The following VEGFD variants were observed in gnomAD, a reference collection of about 807,000 sequenced individuals.
VEGFD encodes vascular endothelial growth factor D, also known as c-fos induced growth factor (vascular endothelial growth factor D).
Under a neutral mutation model 28.0 loss-of-function variants are expected in VEGFD, and 26 were observed. The observed-to-expected ratio is 0.93, with a 90% CI of 0.68 to 1.29. The LOEUF (loss-of-function observed/expected upper bound fraction) is 1.29, where lower values mean the gene tolerates loss of function less well. Among genes scored for constraint, VEGFD ranks in the 50% most tolerant of loss-of-function variants. The probability of loss-of-function intolerance (pLI) is 0.00; values close to 1 mark genes in which losing one functional copy is unlikely to be tolerated. For missense variants in VEGFD, 294 were observed against 273.4 expected (o/e 1.08, Z -0.53); for synonymous variants, 93 against 95.5 (o/e 0.97, Z 0.15).
At chrX:15,351,466 C>T (rs1167411778) in intron 5 of VEGFD, among the ~76,000 whole-genome samples, 2 of 111,299 alleles carry the variant, frequency 1.8e-5, no homozygotes, top group Admixed American at 9.5e-5. Flanking sequence ...CCTCCCATCT[C>T]GGCCTCCCAA....
At chrX:15,381,212 T>C (rs1310199034) in intron 1 of VEGFD, among the ~76,000 whole-genome samples, 1 of 111,408 alleles carries the variant, frequency 9.0e-6, no homozygotes, top group Non-Finnish European at 1.9e-5. Context: ...CAAATGGCAT[T>C]AAGCACAATC....
At chrX:15,375,263 G>A (rs1362111465) in intron 1 of VEGFD, among the ~76,000 whole-genome samples, 1 of 112,257 alleles carries the variant, frequency 8.9e-6, no homozygotes. Context: ...GATAGAAGAT[G>A]AATTTTAAGG....
chrX:15,381,529 T>TA (rs35184475), intron 1 of VEGFD, among the ~76,000 whole-genome samples: 83 of 86,241 alleles, frequency 9.6e-4, no homozygotes, highest in Admixed American at 1.5e-3. Context: ...TTTCAAAAAG[T>TA]AAAAAAAAAA....
intron 3 of VEGFD, among the ~76,000 whole-genome samples, chrX:15,355,741 A>G (rs1210962825): frequency 3.6e-5 from 4 of 112,324 alleles, no homozygotes; most frequent in African/African-American, 1.3e-4. Context: ...AGCAGACATG[A>G]CAGAAGTACA....
intron 2 of VEGFD, among the ~76,000 whole-genome samples, chrX:15,359,675 G>A (rs6653956): frequency 0.08 from 8,842 of 110,560 alleles, 455 homozygotes; most frequent in African/African-American, 0.19. Context: ...TTAGTTTGCC[G>A]CCATGTTAGA....
At chrX:15,382,319 C>CAAATAAATAAAT (rs774994295) in intron 1 of VEGFD, among the ~76,000 whole-genome samples, 19,165 of 95,265 alleles carry the variant, frequency 0.2, 1,825 homozygotes, top group East Asian at 0.39. Context: ...GACTCCGTCT[C>CAAATAAATAAAT]AAATAAATAA....
intron 6 of VEGFD, 32 bp from the exon 7 acceptor site, chrX:15,346,291 A>G: frequency 8.4e-7 from 1 of 1,190,889 alleles, no homozygotes; most frequent in South Asian, 1.8e-5. Context: ...ATGAGAATTC[A>G]GAATCAATGA....
chrX:15,355,449 C>A, intron 3 of VEGFD, 151 bp from the exon 4 acceptor site: 1 of 396,338 alleles, frequency 2.5e-6, no homozygotes, highest in Non-Finnish European at 4.0e-6. Flanking sequence ...GCTCATCTAA[C>A]TTTATGAAGT....
chrX:15,347,180 G>C lies in VEGFD; in HGVS notation c.922C>G (p.His308Asp), dbSNP rs780465926. ...GGCATTTACCTGCAGGTGTCTGGGT[G>C]AAATAGCTTGTGCTTCTGGCAGCAG... ...ETCCQKHKLF[H>D]PDTCSCEDRC... is the part of the protein sequence containing the mutation. Residue 308 changes from histidine to aspartate, a missense_variant, in exon 6 of 7, where the codon CAC becomes GAC. His to Asp is a moderately conservative substitution (Grantham distance 81). Transcript: ENST00000297904. 5.8e-6 allele frequency: 7 copies of C among 1,208,266 alleles called. No homozygotes were observed. In the South Asian group the frequency reaches 8.9e-5, roughly 15 times the overall value.
chrX:15,363,076 A>G, intron 2 of VEGFD, 33 bp downstream of exon 2: 2 of 1,171,143 alleles, frequency 1.7e-6, no homozygotes, highest in South Asian at 3.6e-5. Flanking sequence ...TCTAATAAAG[A>G]GAAAGAATTT....
chrX:15,383,813 C>T (rs867108128), intron 1 of VEGFD, 44 bp downstream of exon 1: 1 of 1,004,275 alleles, frequency 1.0e-6, no homozygotes, highest in African/African-American at 1.9e-5. Flanking sequence ...TCTGTATGAG[C>T]CAATAAAAAG....
chrX:15,370,535 G>A (rs1165009462), intron 1 of VEGFD, among the ~76,000 whole-genome samples: 2 of 111,682 alleles, frequency 1.8e-5, no homozygotes, highest in Non-Finnish European at 1.9e-5. Flanking sequence ...TTGAGGGTAG[G>A]ATATGTGTCA....
At position 15,363,131 on chromosome X, in the gene VEGFD, G is replaced by A. The variant is rs184804935; in HGVS notation, c.279C>T (p.Phe93=). Residue 93 remains phenylalanine, a synonymous_variant, in exon 2 of 7, where the codon TTC becomes TTT. Transcript: ENST00000297904. ...SHRSTRFAAT[F]YDIETLKVID... ...TACCTTTTAGTGTTTCAATGTCATA[G>A]AAAGTTGCCGCAAACCTAGTGGACC... The A allele has an allele frequency of 9.9e-6, 12 of 1,209,210 alleles. No homozygotes were observed. Among genetic ancestry groups the A allele is most frequent in the African/African-American group, 7.0e-5 (4 of 57,015 alleles).
At chrX:15,351,260 C>T (rs1602221560) in intron 5 of VEGFD, among the ~76,000 whole-genome samples, 2 of 102,328 alleles carry the variant, frequency 2.0e-5, no homozygotes, top group East Asian at 6.1e-4. Context: ...GGACTACAGG[C>T]GCCCGCCACT....
rs375249071 is a variant in VEGFD, at chrX:15,358,013, A to G, written c.482T>C (p.Ile161Thr). The G allele has an allele frequency of 4.1e-6, 5 of 1,208,623 alleles. No homozygotes were observed. Among genetic ancestry groups the G allele is most frequent in the Non-Finnish European group, 5.6e-6 (5 of 894,332 alleles). The change falls in exon 3 of 7, where the codon ATT (isoleucine) becomes ACT (threonine). Residue 161 changes from isoleucine to threonine, a missense_variant. By Grantham distance (89) the Ile-to-Thr change is moderately conservative. Coordinates refer to ENST00000297904, the MANE Select transcript of VEGFD (RefSeq NM_004469.5). ...LICMNTSTSYISKQLFEISVP... is the reference protein window; with the variant it reads ...LICMNTSTSYTSKQLFEISVP... Reference sequence around the variant, plus strand: ...CCGATGTCCTTATACCTGTTTGGAAATGTACGAGGTGCTGGTGTTCATACA... The same window carrying G: ...CCGATGTCCTTATACCTGTTTGGAAGTGTACGAGGTGCTGGTGTTCATACA...
At chrX:15,375,588 C>G (rs1232055568) in intron 1 of VEGFD, among the ~76,000 whole-genome samples, 1 of 111,677 alleles carries the variant, frequency 9.0e-6, no homozygotes, top group Non-Finnish European at 1.9e-5. Context: ...ATTGGTGGTT[C>G]TGGTGGCTCT....
chrX:15,353,816 A>G (rs942010742), intron 4 of VEGFD, among the ~76,000 whole-genome samples: 5 of 111,644 alleles, frequency 4.5e-5, no homozygotes, highest in African/African-American at 1.6e-4. Flanking sequence ...TTCTGTAATT[A>G]TAAATATTCT....
chrX:15,350,642 C>T lies in VEGFD; in HGVS notation c.742+2426G>A, dbSNP rs755963579. ...CCTCCGTACAAAACTGTCTCAGAGGCTTTGTGCCAGGAAATCCTCAGCTAG... is the reference window on the plus strand; with the variant it reads ...CCTCCGTACAAAACTGTCTCAGAGGTTTTGTGCCAGGAAATCCTCAGCTAG... On this transcript the variant is annotated intron_variant, in intron 5 of 6. Transcript: ENST00000297904. Among the ~76,000 whole-genome samples the T allele has an allele frequency of 2.7e-5, 3 of 112,598 alleles. No homozygotes were observed. In the South Asian group the frequency reaches 1.1e-3, roughly 41 times the overall value.
chrX:15,369,359 A>T (rs959494998), intron 1 of VEGFD, among the ~76,000 whole-genome samples: 1 of 111,045 alleles, frequency 9.0e-6, no homozygotes, highest in Non-Finnish European at 1.9e-5. Context: ...GGGGAAAAAA[A>T]AAACAGCAAG....
Sources: gnomAD v4.1 joint callset for allele counts (sites outside exome capture counted in the v4.1 genomes callset) on GRCh38, gnomAD v4.1.1 for gene constraint, MANE v1.5 for transcripts, NCBI Gene and HGNC (gene_info 2026-07-23, HGNC 2026-07-21) for gene names.